Variants in SNX2 observed in about 807,000 individuals in gnomAD.
The protein encoded by SNX2 is sorting nexin-2.
SNX2 carries 25 observed loss-of-function variants against 69.9 expected under a neutral mutation model. The observed-to-expected ratio is 0.36, with a 90% CI of 0.26 to 0.50. The LOEUF (loss-of-function observed/expected upper bound fraction) is 0.50, where lower values mean the gene tolerates loss of function less well. Among genes scored for constraint, SNX2 ranks in the 20% least tolerant of loss-of-function variants. SNX2 has a pLI of 0.97. For synonymous variants in SNX2, 229 were observed against 200.4 expected (o/e 1.14, Z -1.20); for missense variants, 551 against 613.3 (o/e 0.90, Z 1.07).
chr5:122,805,538 T>C (rs921133657), intron 6 of SNX2, among the ~76,000 whole-genome samples: 2 of 152,126 alleles, frequency 1.3e-5, no homozygotes, highest in African/African-American at 4.8e-5. Context: ...GATGAATTTG[T>C]TATATTCTTT....
rs73797078 is a variant in SNX2, at chr5:122,786,369, C to T, written c.109-8897C>T. ...ATTGATGTGGCTAGATTAGATCTACCGTTTTATTTGCTTACTGTTTTTCTC... is the reference window on the plus strand; with the variant it reads ...ATTGATGTGGCTAGATTAGATCTACTGTTTTATTTGCTTACTGTTTTTCTC... On this transcript the variant is annotated intron_variant, in intron 1 of 14. Transcript: ENST00000379516. 4.6e-3 allele frequency among the ~76,000 whole-genome samples: 695 copies of T among 151,998 alleles called. 5 individuals carry two copies. Among genetic ancestry groups the T allele is most frequent in the African/African-American group, 0.015 (640 of 41,490 alleles).
intron 3 of SNX2, 106 bp downstream of exon 3, chr5:122,799,961 T>A: frequency 1.1e-6 from 1 of 884,212 alleles, no homozygotes; most frequent in Non-Finnish European, 1.7e-6. Flanking sequence ...TTAGACATTT[T>A]GGGAAAAGAA....
At chr5:122,801,236 C>T (rs747375787) in intron 3 of SNX2, among the ~76,000 whole-genome samples, 4 of 152,000 alleles carry the variant, frequency 2.6e-5, no homozygotes, top group Non-Finnish European at 4.4e-5. Context: ...TCTGAAGATT[C>T]AGTATATAGA....
intron 5 of SNX2, among the ~76,000 whole-genome samples, chr5:122,802,394 ATGCTTGTGCCAGGTGAGGAATT>A (rs1431853002): frequency 9.2e-5 from 14 of 152,318 alleles, no homozygotes; most frequent in African/African-American, 3.4e-4. Context: ...AAGAAGAAGA[ATGCTTGTGCCAGGTGAGGAATT>A]TGCTTGTGCA....
chr5:122,799,282 T>A (rs1039261986), intron 2 of SNX2, among the ~76,000 whole-genome samples: 1 of 152,198 alleles, frequency 6.6e-6, no homozygotes, highest in Non-Finnish European at 1.5e-5. Context: ...TTAAAATAGT[T>A]GTGGACAGAC....
intron 1 of SNX2, among the ~76,000 whole-genome samples, chr5:122,782,210 T>C (rs1752994113): frequency 6.6e-6 from 1 of 152,180 alleles, no homozygotes; most frequent in Non-Finnish European, 1.5e-5. Flanking sequence ...TTTTTGGTTA[T>C]GTGTCCTTTT....
chr5:122,809,616 C>G lies in SNX2; in HGVS notation c.722+1261C>G, dbSNP rs918803633. ...TTTCACTGGTTTTTTTGTTTGCTTG[C>G]TCTTTATTTTTCTCTGGCTTAAAAT... On this transcript the variant is annotated intron_variant, in intron 7 of 14. Transcript: ENST00000379516. Among the ~76,000 whole-genome samples the G allele has an allele frequency of 6.6e-5, 10 of 152,134 alleles. No individual in the cohort carries two copies. In the South Asian group the frequency reaches 1.7e-3, roughly 25 times the overall value.
intron 1 of SNX2, among the ~76,000 whole-genome samples, chr5:122,784,576 G>T (rs1471849721): frequency 6.6e-6 from 1 of 151,374 alleles, no homozygotes. Flanking sequence ...TTGAATCAGC[G>T]TTGCATTCTT....
At chr5:122,783,175 G>C (rs539822398) in intron 1 of SNX2, among the ~76,000 whole-genome samples, 1 of 149,436 alleles carries the variant, frequency 6.7e-6, no homozygotes, top group South Asian at 2.1e-4. Context: ...TCGATCTCTT[G>C]ACCTCGTGAT....
intron 7 of SNX2, among the ~76,000 whole-genome samples, chr5:122,812,201 G>T (rs11241659): frequency 6.6e-6 from 1 of 151,810 alleles, no homozygotes; most frequent in South Asian, 2.1e-4. Context: ...CCCTCCCCAC[G>T]CTGGCCCCAT....
intron 11 of SNX2, among the ~76,000 whole-genome samples, chr5:122,819,622 T>G (rs1017333383): frequency 1.3e-5 from 2 of 152,228 alleles, no homozygotes; most frequent in Non-Finnish European, 2.9e-5. Context: ...TCTGCAGATA[T>G]CTGCAGTTTT....
intron 6 of SNX2, 103 bp downstream of exon 6, chr5:122,803,716 T>A (rs948802139): frequency 1.3e-5 from 11 of 828,570 alleles, no homozygotes; most frequent in Non-Finnish European, 2.1e-5. Flanking sequence ...CAACATTTTA[T>A]AATGTGTAGA....
At chr5:122,801,652 C>CGTGT (rs61189602) in intron 3 of SNX2, among the ~76,000 whole-genome samples, 3,612 of 132,066 alleles carry the variant, frequency 0.027, 60 homozygotes, top group South Asian at 0.032. Flanking sequence ...TGGTCTTTTT[C>CGTGT]GTGTGTGTGT....
Position 122,775,182 on chromosome 5 carries a change from C to A in SNX2, c.79C>A (p.Leu27Met). 1 of 1,592,292 alleles carries A rather than the reference C, an allele frequency of 6.3e-7. No homozygotes were observed. Among genetic ancestry groups the A allele is most frequent in the Non-Finnish European group, 8.5e-7 (1 of 1,171,118 alleles). ...DFEDLEDGED[L>M]FTSTVSTLES... ...TGAGGATCTGGAGGACGGAGAGGACCTGTTCACCAGCACTGTCTCCACCCT... is the reference window on the plus strand; with the variant it reads ...TGAGGATCTGGAGGACGGAGAGGACATGTTCACCAGCACTGTCTCCACCCT... Residue 27 changes from leucine to methionine, a missense_variant, in exon 1 of 15, where the codon CTG becomes ATG. Leu to Met is a conservative substitution (Grantham distance 15, BLOSUM62 2). Around this residue, in one of 2 missense-constraint regions of SNX2, gnomAD observed 191 missense variants for 162.9 expected, o/e 1.17. Coordinates refer to ENST00000379516, the MANE Select transcript of SNX2 (RefSeq NM_003100.4).
Position 122,818,909 on chromosome 5 carries a change from G to A in SNX2, c.1098G>A (p.Gln366=). The change falls in exon 11 of 15, where the codon CAG becomes CAA. Residue 366 remains glutamine, a synonymous_variant. Coordinates refer to ENST00000379516, the MANE Select transcript of SNX2 (RefSeq NM_003100.4). ...DHTALSRALS[Q]LAEVEEKIDQ... ...CTGCTTTATCTAGAGCTTTGTCTCA[G>A]CTTGCAGAGGTTGAGGAGAAGATAG... 6.2e-7 allele frequency: 1 copy of A among 1,613,962 alleles called. No individual in the cohort carries two copies. Among genetic ancestry groups the A allele is most frequent in the African/African-American group, 1.3e-5 (1 of 75,018 alleles).
intron 1 of SNX2, among the ~76,000 whole-genome samples, chr5:122,786,897 G>A (rs1000281803): frequency 1.3e-4 from 20 of 152,140 alleles, no homozygotes; most frequent in African/African-American, 4.8e-4. Flanking sequence ...TTTAATTGAA[G>A]AGATACTAGC....
Position 122,791,892 on chromosome 5 carries a change from C to T in SNX2, c.109-3374C>T, listed in dbSNP as rs1007351357. On this transcript the variant is annotated intron_variant, in intron 1 of 14. Transcript: ENST00000379516. ...AGATACTCTTCCTTTCTATGTACAG[C>T]GTGCAGTCTATAAAACAGATAATAC... Among the ~76,000 whole-genome samples the T allele has an allele frequency of 3.9e-5, 6 of 152,264 alleles. No homozygotes were observed. In the South Asian group the frequency reaches 6.2e-4, roughly 16 times the overall value.
intron 7 of SNX2, among the ~76,000 whole-genome samples, chr5:122,809,657 A>ACAC (rs1267793924): frequency 6.6e-6 from 1 of 152,126 alleles, no homozygotes; most frequent in Non-Finnish European, 1.5e-5. Flanking sequence ...GTTAGGGTGA[A>ACAC]TAGCACAGGT....
At chr5:122,791,119 ATTTTTTTT>A (rs71623268) in intron 1 of SNX2, among the ~76,000 whole-genome samples, 64,429 of 131,920 alleles carry the variant, frequency 0.49, 14,717 homozygotes, top group African/African-American at 0.54. Context: ...GGCTATTTCA[ATTTTTTTT>A]TTTTTTTTTT....
Sources: gnomAD v4.1 joint callset for allele counts (sites outside exome capture counted in the v4.1 genomes callset) on GRCh38, gnomAD v4.1.1 for gene constraint, gnomAD v4.1.1 regional missense constraint, MANE v1.5 for transcripts, NCBI Gene and HGNC (gene_info 2026-07-23, HGNC 2026-07-21) for gene names.